Variants in ARSJ observed in about 807,000 individuals in gnomAD.
ARSJ encodes the protein arylsulfatase family member J.
Under a neutral mutation model 35.9 loss-of-function variants are expected in ARSJ, and 26 were observed. That is an observed-to-expected ratio of 0.72 (90% confidence interval 0.53 to 1.00). The LOEUF is 1.00. ARSJ is among the 50% of genes least tolerant of loss of function. ARSJ has a pLI of 0.00. For synonymous variants in ARSJ, 294 were observed against 267.6 expected, an observed-to-expected ratio of 1.10 and a Z score of -0.96; for missense variants, 667 against 723.6, an observed-to-expected ratio of 0.92 and a Z score of 0.90.
intron 1 of ARSJ, among the ~76,000 whole-genome samples, chr4:113,975,686 T>C (rs1253660279): frequency 3.3e-5 from 5 of 152,162 alleles, no homozygotes; most frequent in Non-Finnish European, 5.9e-5. Context: ...AGAGCAACTA[T>C]CTAAAGTTGT....
intron 1 of ARSJ, among the ~76,000 whole-genome samples, chr4:113,970,131 T>A (rs1225245853): frequency 1.3e-5 from 2 of 152,052 alleles, no homozygotes; most frequent in African/African-American, 2.4e-5. Flanking sequence ...TTCCAAGGAG[T>A]GAAAACAGAA....
At chr4:113,927,411 C>T (rs1161321378) in intron 1 of ARSJ, among the ~76,000 whole-genome samples, 2 of 152,284 alleles carry the variant, frequency 1.3e-5, no homozygotes, top group African/African-American at 4.8e-5. Flanking sequence ...AGCATAATGT[C>T]TTCAATGTAA....
intron 1 of ARSJ, among the ~76,000 whole-genome samples, chr4:113,954,041 T>C (rs532139401): frequency 2.0e-5 from 3 of 152,180 alleles, no homozygotes; most frequent in Admixed American, 2.0e-4. Flanking sequence ...TCTGGGTTTC[T>C]AATGCTTTTC....
At chr4:113,929,443 G>A (rs553588878) in intron 1 of ARSJ, among the ~76,000 whole-genome samples, 1 of 152,128 alleles carries the variant, frequency 6.6e-6, no homozygotes, top group Non-Finnish European at 1.5e-5. Flanking sequence ...GGGCAGGAGG[G>A]ATGTTGCCAC....
chr4:113,917,173 A>C (rs1386569885), intron 1 of ARSJ, among the ~76,000 whole-genome samples: 2 of 152,174 alleles, frequency 1.3e-5, no homozygotes, highest in Non-Finnish European at 2.9e-5. Flanking sequence ...TACCATTAAA[A>C]TTCACTGCAG....
intron 1 of ARSJ, among the ~76,000 whole-genome samples, chr4:113,928,869 C>T (rs972169020): frequency 2.0e-5 from 3 of 152,236 alleles, no homozygotes; most frequent in African/African-American, 7.2e-5. Context: ...TTTGAAGTGA[C>T]AAATCTACTC....
intron 1 of ARSJ, among the ~76,000 whole-genome samples, chr4:113,961,909 G>C (rs1269194719): frequency 0.031 from 236 of 7,550 alleles, 1 homozygote; most frequent in African/African-American, 0.082. Flanking sequence ...GTGTGTGTGT[G>C]TGTGTGTGTG....
chr4:113,977,455 A>G (rs1727656962), intron 1 of ARSJ, among the ~76,000 whole-genome samples: 1 of 152,226 alleles, frequency 6.6e-6, no homozygotes, highest in Non-Finnish European at 1.5e-5. Context: ...ATAGGATCCA[A>G]TTCCAAGAAC....
chr4:113,957,563 A>G (rs1726262452), intron 1 of ARSJ, among the ~76,000 whole-genome samples: 1 of 152,096 alleles, frequency 6.6e-6, no homozygotes, highest in South Asian at 2.1e-4. Flanking sequence ...AGGATAGAAC[A>G]TTAAAAAACA....
At chr4:113,967,040 G>A (rs973582188) in intron 1 of ARSJ, among the ~76,000 whole-genome samples, 20 of 152,178 alleles carry the variant, frequency 1.3e-4, no homozygotes, top group African/African-American at 4.6e-4. Context: ...GGCTCAGTTG[G>A]TTGGTAGGTT....
chr4:113,919,008 C>T (rs1175601802), intron 1 of ARSJ, among the ~76,000 whole-genome samples: 1 of 152,078 alleles, frequency 6.6e-6, no homozygotes, highest in African/African-American at 2.4e-5. Flanking sequence ...CTGATCCTGG[C>T]ATAATTCATG....
chr4:113,953,645 T>G (rs1394357201), intron 1 of ARSJ, among the ~76,000 whole-genome samples: 1 of 152,028 alleles, frequency 6.6e-6, no homozygotes, highest in Non-Finnish European at 1.5e-5. Flanking sequence ...ACCAGATCTA[T>G]CTGGTAAAAA....
At chr4:113,904,962 T>TA (rs1158130254) in intron 1 of ARSJ, among the ~76,000 whole-genome samples, 1 of 152,242 alleles carries the variant, frequency 6.6e-6, no homozygotes, top group African/African-American at 2.4e-5. Flanking sequence ...TGTCTCTTTT[T>TA]AAAAAACTAT....
chr4:113,905,001 A>G (rs28602629), intron 1 of ARSJ, among the ~76,000 whole-genome samples: 85,708 of 152,120 alleles, frequency 0.56, 26,276 homozygotes, highest in Non-Finnish European at 0.68. Context: ...CTAAGAAAGC[A>G]TAACACTTTC....
chr4:113,965,845 T>TC (rs1438912059), intron 1 of ARSJ, among the ~76,000 whole-genome samples: 1 of 152,036 alleles, frequency 6.6e-6, no homozygotes, highest in Non-Finnish European at 1.5e-5. Flanking sequence ...TTTAAAAATA[T>TC]CTAAACCAAA....
At chr4:113,963,418 G>A (rs1594504293) in intron 1 of ARSJ, among the ~76,000 whole-genome samples, 1 of 151,942 alleles carries the variant, frequency 6.6e-6, no homozygotes, top group African/African-American at 2.4e-5. Flanking sequence ...TTCACATGAT[G>A]GCAGGAAGGA....
At chr4:113,960,716 C>T (rs1394433796) in intron 1 of ARSJ, among the ~76,000 whole-genome samples, 1 of 151,978 alleles carries the variant, frequency 6.6e-6, no homozygotes, top group African/African-American at 2.4e-5. Flanking sequence ...TAACATATTA[C>T]TTATTTGTAG....
chr4:113,944,556 CG>C (rs1213648307), intron 1 of ARSJ, among the ~76,000 whole-genome samples: 2 of 151,882 alleles, frequency 1.3e-5, no homozygotes, highest in African/African-American at 4.8e-5. Context: ...GATCTAGAAA[CG>C]GGCAAAAGAG....
intron 1 of ARSJ, among the ~76,000 whole-genome samples, chr4:113,936,646 C>A (rs1212750143): frequency 1.3e-5 from 2 of 151,828 alleles, no homozygotes; most frequent in African/African-American, 4.8e-5. Context: ...TTTTAAAAGG[C>A]AGCATGCATC....
Sources: gnomAD v4.1 joint callset for allele counts (sites outside exome capture counted in the v4.1 genomes callset) on GRCh38, gnomAD v4.1.1 for gene constraint, MANE v1.5 for transcripts, NCBI Gene and HGNC (gene_info 2026-07-23, HGNC 2026-07-21) for gene names.